CNTNAP2: variants seen among roughly 807,000 people sequenced by gnomAD.
CNTNAP2 encodes contactin associated protein 2.
Under a neutral mutation model 155.2 loss-of-function variants are expected in CNTNAP2, and 98 were observed. That is an observed-to-expected ratio of 0.63 (90% confidence interval 0.54 to 0.75). The LOEUF (loss-of-function observed/expected upper bound fraction) is 0.75, where lower values mean the gene tolerates loss of function less well. CNTNAP2 is among the 30% of genes least tolerant of loss of function. The pLI, the probability that CNTNAP2 is intolerant of heterozygous loss-of-function variation, is 0.00. For synonymous variants in CNTNAP2, 651 were observed against 631.2 expected (o/e 1.03, Z -0.47); for missense variants, 1,727 against 1,688.1 (o/e 1.02, Z -0.40).
intron 14 of CNTNAP2, among the ~76,000 whole-genome samples, chr7:147,910,362 C>T (rs935121027): frequency 6.6e-6 from 1 of 152,098 alleles, no homozygotes; most frequent in Non-Finnish European, 1.5e-5. Context: ...CTCATTGACT[C>T]TATGCCAAAG....
chr7:147,636,046 GACAA>G (rs1795175167), intron 12 of CNTNAP2, among the ~76,000 whole-genome samples: 2 of 152,162 alleles, frequency 1.3e-5, no homozygotes, highest in Non-Finnish European at 2.9e-5. Flanking sequence ...GGACACAAAT[GACAA>G]ACAGTTTATC....
At chr7:147,770,766 A>T (rs1041908805) in intron 13 of CNTNAP2, among the ~76,000 whole-genome samples, 2 of 152,194 alleles carry the variant, frequency 1.3e-5, no homozygotes, top group Admixed American at 6.5e-5. Context: ...CATTTTAATG[A>T]TGTTACTCTT....
chr7:146,626,153 C>A (rs185634769), intron 1 of CNTNAP2, among the ~76,000 whole-genome samples: 3 of 152,178 alleles, frequency 2.0e-5, no homozygotes, highest in African/African-American at 7.2e-5. Flanking sequence ...ACTACCATAT[C>A]TAAAGGCAAT....
intron 8 of CNTNAP2, among the ~76,000 whole-genome samples, chr7:147,189,889 T>C (rs765603139): frequency 1.1e-3 from 170 of 152,000 alleles, no homozygotes; most frequent in Non-Finnish European, 1.8e-3. Context: ...GGACTACAGG[T>C]GCCCGCCACC....
intron 1 of CNTNAP2, among the ~76,000 whole-genome samples, chr7:146,352,694 T>TAA (rs35712482): frequency 0.029 from 3,626 of 125,176 alleles, 68 homozygotes; most frequent in Non-Finnish European, 0.037. Context: ...ACAACTGAGG[T>TAA]AAAAAAAAAT....
At chr7:147,581,807 T>C (rs1168749053) in intron 12 of CNTNAP2, among the ~76,000 whole-genome samples, 1 of 152,118 alleles carries the variant, frequency 6.6e-6, no homozygotes, top group Non-Finnish European at 1.5e-5. Context: ...AAAATATACA[T>C]TATATACAAA....
At chr7:146,896,242 T>C (rs1164975702) in intron 3 of CNTNAP2, among the ~76,000 whole-genome samples, 2 of 152,076 alleles carry the variant, frequency 1.3e-5, no homozygotes, top group East Asian at 3.9e-4. Flanking sequence ...AACAGGCTCA[T>C]TTATTATCAC....
chr7:147,721,178 T>C (rs1451781341), intron 13 of CNTNAP2, among the ~76,000 whole-genome samples: 3 of 151,726 alleles, frequency 2.0e-5, no homozygotes, highest in Non-Finnish European at 4.4e-5. Flanking sequence ...CTAAAATCAG[T>C]GCTGGTTTCT....
At chr7:146,419,564 C>T (rs1024607016) in intron 1 of CNTNAP2, among the ~76,000 whole-genome samples, 3 of 152,068 alleles carry the variant, frequency 2.0e-5, no homozygotes, top group African/African-American at 7.2e-5. Flanking sequence ...GAAATATCTT[C>T]TTTTTATATT....
At chr7:148,233,853 G>T (rs1483546611) in intron 20 of CNTNAP2, among the ~76,000 whole-genome samples, 6 of 152,176 alleles carry the variant, frequency 3.9e-5, no homozygotes, top group Admixed American at 3.9e-4. Context: ...GGACCATGGG[G>T]GTGGATTTCC....
chr7:147,558,182 C>T (rs1219994378), intron 11 of CNTNAP2, among the ~76,000 whole-genome samples: 1 of 152,064 alleles, frequency 6.6e-6, no homozygotes, highest in Non-Finnish European at 1.5e-5. Context: ...ACACCTCTTA[C>T]TATTTTTATG....
chr7:146,848,738 C>T (rs1273819836), intron 3 of CNTNAP2, among the ~76,000 whole-genome samples: 1 of 152,080 alleles, frequency 6.6e-6, no homozygotes, highest in African/African-American at 2.4e-5. Flanking sequence ...TGCGTTTTTC[C>T]TGACTTTCTG....
At chr7:146,220,958 A>G (rs1177469481) in intron 1 of CNTNAP2, among the ~76,000 whole-genome samples, 1 of 152,236 alleles carries the variant, frequency 6.6e-6, no homozygotes, top group African/African-American at 2.4e-5. Flanking sequence ...GCCTATGCCC[A>G]AAGTTTGATT....
intron 12 of CNTNAP2, among the ~76,000 whole-genome samples, chr7:147,592,319 TAAAC>T (rs1302773595): frequency 2.6e-5 from 4 of 152,164 alleles, no homozygotes; most frequent in Non-Finnish European, 5.9e-5. Context: ...AGTTTAAAAA[TAAAC>T]CATTCAATTT....
chr7:147,370,327 G>T (rs1796320937), intron 9 of CNTNAP2, among the ~76,000 whole-genome samples: 1 of 152,124 alleles, frequency 6.6e-6, no homozygotes, highest in Non-Finnish European at 1.5e-5. Context: ...GAGCTATTTT[G>T]TGAAGCCACA....
intron 8 of CNTNAP2, among the ~76,000 whole-genome samples, chr7:147,192,072 T>C (rs548911508): frequency 4.6e-4 from 70 of 152,342 alleles, no homozygotes; most frequent in African/African-American, 1.5e-3. Flanking sequence ...GCTTCATATA[T>C]GTCAATTAGT....
chr7:146,318,049 G>C (rs1252711793), intron 1 of CNTNAP2, among the ~76,000 whole-genome samples: 1 of 151,714 alleles, frequency 6.6e-6, no homozygotes, highest in African/African-American at 2.4e-5. Context: ...GCTGAGGCAG[G>C]AGAATCGCTT....
chr7:148,021,568 C>G (rs762200243), intron 15 of CNTNAP2, among the ~76,000 whole-genome samples: 9 of 152,180 alleles, frequency 5.9e-5, no homozygotes, highest in Non-Finnish European at 1.2e-4. Flanking sequence ...CGGAAGGCCT[C>G]GTGTTCATTC....
chr7:147,627,438 C>T (rs1795002425), intron 12 of CNTNAP2, among the ~76,000 whole-genome samples: 1 of 152,010 alleles, frequency 6.6e-6, no homozygotes, highest in South Asian at 2.1e-4. Context: ...TGGCTCACGC[C>T]TGAAATCCCA....
Sources: allele counts gnomAD v4.1 joint callset (sites outside exome capture counted in the v4.1 genomes callset), GRCh38; gene constraint gnomAD v4.1.1; transcripts MANE v1.5; gene names NCBI Gene and HGNC (gene_info 2026-07-23, HGNC 2026-07-21).